MAGI1: variants seen among roughly 807,000 people sequenced by gnomAD.
MAGI1 encodes the protein membrane associated guanylate kinase, WW and PDZ domain containing 1.
MAGI1 carries 58 observed loss-of-function variants against 139.9 expected under a neutral mutation model. The observed-to-expected ratio is 0.41, with a 90% CI of 0.34 to 0.52. The LOEUF is 0.52. Ranked by LOEUF, MAGI1 falls within the 20% of genes least tolerant of loss-of-function variation. The pLI, the probability that MAGI1 is intolerant of heterozygous loss-of-function variation, is 0.12. For synonymous variants in MAGI1, 812 were observed against 737.9 expected (o/e 1.10, Z -1.63); for missense variants, 1,874 against 1,901.6 (o/e 0.99, Z 0.27).
intron 1 of MAGI1, among the ~76,000 whole-genome samples, chr3:66,022,048 C>T (rs1424812144): frequency 6.6e-6 from 1 of 152,160 alleles, no homozygotes; most frequent in Non-Finnish European, 1.5e-5. Context: ...TCTTTCCCCT[C>T]TGGAATTCAG....
At chr3:65,715,186 A>G (rs774006588) in intron 1 of MAGI1, among the ~76,000 whole-genome samples, 1 of 152,218 alleles carries the variant, frequency 6.6e-6, no homozygotes. Context: ...GCAAAAAGGC[A>G]TTTTCTCAAG....
At chr3:65,538,481 C>T (rs907541812) in intron 2 of MAGI1, among the ~76,000 whole-genome samples, 2 of 152,148 alleles carry the variant, frequency 1.3e-5, no homozygotes, top group Non-Finnish European at 2.9e-5. Flanking sequence ...TTTTCTAAAA[C>T]AAGTAACTAT....
At chr3:65,375,187 CTTTT>C (rs5849664) in intron 18 of MAGI1, among the ~76,000 whole-genome samples, 1 of 133,078 alleles carries the variant, frequency 7.5e-6, no homozygotes, top group Non-Finnish European at 1.6e-5. Flanking sequence ...TTTTCTGAAA[CTTTT>C]TTTTTTTTTT....
intron 1 of MAGI1, among the ~76,000 whole-genome samples, chr3:65,866,193 T>C (rs1373858030): frequency 2.7e-5 from 4 of 149,974 alleles, no homozygotes; most frequent in African/African-American, 9.9e-5. Context: ...GGGGAATTGT[T>C]GGTATTTGCT....
At chr3:65,357,749 A>T (rs1254541196) in intron 22 of MAGI1, among the ~76,000 whole-genome samples, 1 of 152,094 alleles carries the variant, frequency 6.6e-6, no homozygotes, top group African/African-American at 2.4e-5. Context: ...CATATGCAGA[A>T]GTATACTTCT....
intron 1 of MAGI1, among the ~76,000 whole-genome samples, chr3:65,907,460 C>A (rs570602792): frequency 1.3e-5 from 2 of 152,162 alleles, no homozygotes; most frequent in African/African-American, 2.4e-5. Context: ...CTTATCCCCC[C>A]ACACCCGCCT....
At chr3:65,714,984 G>A (rs1043224462) in intron 1 of MAGI1, among the ~76,000 whole-genome samples, 1 of 152,086 alleles carries the variant, frequency 6.6e-6, no homozygotes, top group African/African-American at 2.4e-5. Flanking sequence ...TCTGGACAAA[G>A]GATGGTGACA....
At chr3:65,667,764 A>G (rs979493081) in intron 1 of MAGI1, among the ~76,000 whole-genome samples, 3 of 152,082 alleles carry the variant, frequency 2.0e-5, no homozygotes, top group Non-Finnish European at 4.4e-5. Flanking sequence ...GTGTTCTGCC[A>G]TGTTGCCCAG....
chr3:65,810,339 C>T (rs2041146077), intron 1 of MAGI1, among the ~76,000 whole-genome samples: 1 of 152,202 alleles, frequency 6.6e-6, no homozygotes, highest in Non-Finnish European at 1.5e-5. Flanking sequence ...AGTCTCTATC[C>T]CATACACCCA....
chr3:65,964,977 C>T (rs906366658), intron 1 of MAGI1, among the ~76,000 whole-genome samples: 1 of 152,196 alleles, frequency 6.6e-6, no homozygotes, highest in Non-Finnish European at 1.5e-5. Context: ...ACTGATGATG[C>T]CAAGGACTCT....
At chr3:65,631,040 C>T (rs1008635918) in intron 1 of MAGI1, among the ~76,000 whole-genome samples, 2 of 152,218 alleles carry the variant, frequency 1.3e-5, no homozygotes, top group African/African-American at 4.8e-5. Context: ...TGTGTATGCA[C>T]ACGCAGGGTC....
intron 1 of MAGI1, among the ~76,000 whole-genome samples, chr3:65,728,860 C>T (rs2033887286): frequency 6.6e-6 from 1 of 151,854 alleles, no homozygotes; most frequent in African/African-American, 2.4e-5. Flanking sequence ...GTAATGAAGC[C>T]AATTGTTTTT....
At chr3:65,786,805 C>T (rs751630086) in intron 1 of MAGI1, among the ~76,000 whole-genome samples, 4 of 151,822 alleles carry the variant, frequency 2.6e-5, no homozygotes, top group Admixed American at 6.6e-5. Context: ...TTAGTAGAGA[C>T]GGGATTTCAC....
chr3:65,605,890 C>G (rs2082715688), intron 2 of MAGI1, among the ~76,000 whole-genome samples: 1 of 152,142 alleles, frequency 6.6e-6, no homozygotes, highest in South Asian at 2.1e-4. Context: ...ACCCACAACC[C>G]AGAGAGGAGA....
At chr3:65,510,823 G>A (rs1411647927) in intron 2 of MAGI1, among the ~76,000 whole-genome samples, 21 of 144,980 alleles carry the variant, frequency 1.4e-4, no homozygotes, top group Middle Eastern at 3.6e-3. Context: ...GATACTCCTC[G>A]AGAAGAGCAA....
intron 22 of MAGI1, chr3:65,358,922 C>G (rs1940490724): frequency 1.3e-6 from 1 of 754,916 alleles, no homozygotes. Flanking sequence ...AACACTTCAA[C>G]AGGGTCAGCG....
rs58434479 is a variant in MAGI1, at chr3:65,668,562, C to CTT, written c.314-46476_314-46475dup. 4.0e-3 allele frequency among the ~76,000 whole-genome samples: 319 copies of CTT among 79,854 alleles called. 8 individuals carry two copies. The highest frequency in any genetic ancestry group is 0.014 in the African/African-American group (283 of 20,446). 52.4% of individuals were successfully genotyped at this position (79,854 alleles called of 152,430 possible). On this transcript the variant is annotated intron_variant, in intron 1 of 22. Coordinates refer to ENST00000402939, the MANE Select transcript of MAGI1 (RefSeq NM_001033057.2). ...AACCAGCCATTTAGTCCTTTTTTTT[C>CTT]TTTTTTTTTTTTTTTTTTTTTTGAC...
chr3:65,998,059 C>A (rs1204822047), intron 1 of MAGI1, among the ~76,000 whole-genome samples: 4 of 149,598 alleles, frequency 2.7e-5, no homozygotes, highest in Non-Finnish European at 4.4e-5. Flanking sequence ...GCCAAGATTG[C>A]GCCATTGCAC....
At chr3:65,709,135 C>T (rs2030923581) in intron 1 of MAGI1, among the ~76,000 whole-genome samples, 1 of 152,208 alleles carries the variant, frequency 6.6e-6, no homozygotes, top group African/African-American at 2.4e-5. Flanking sequence ...ATATACACTA[C>T]ATGGCCGTTC....
Sources: gnomAD v4.1 joint callset for allele counts (sites outside exome capture counted in the v4.1 genomes callset) on GRCh38, gnomAD v4.1.1 for gene constraint, MANE v1.5 for transcripts, NCBI Gene and HGNC (gene_info 2026-07-23, HGNC 2026-07-21) for gene names.